DYNLT5: variants seen among roughly 807,000 people sequenced by gnomAD.
DYNLT5 encodes dynein light chain Tctex-type 5.
A neutral mutation model predicts 19.3 loss-of-function variants in DYNLT5; 25 were observed. That is an observed-to-expected ratio of 1.30 (90% CI 0.95 to 1.81). The LOEUF (loss-of-function observed/expected upper bound fraction) is 1.81, where lower values mean the gene tolerates loss of function less well. Among genes scored for constraint, DYNLT5 ranks in the 40% most tolerant of loss-of-function variants. The pLI is 0.00. For synonymous variants in DYNLT5, 82 were observed against 68.9 expected, an observed-to-expected ratio of 1.19 and a Z score of -0.94; for missense variants, 232 against 217.9, an observed-to-expected ratio of 1.06 and a Z score of -0.41.
At chr1:66,769,111 G>C (rs558235630) in intron 2 of DYNLT5, among the ~76,000 whole-genome samples, 1 of 152,248 alleles carries the variant, frequency 6.6e-6, no homozygotes, top group Admixed American at 6.5e-5. Flanking sequence ...ATCATCTTTG[G>C]TATTGCCCAC....
At chr1:66,776,065 T>G in intron 3 of DYNLT5, 2 of 461,784 alleles carry the variant, frequency 4.3e-6, no homozygotes, top group Non-Finnish European at 7.4e-6. Context: ...AACACACTTT[T>G]GAGATAGTCA....
intron 4 of DYNLT5, 109 bp downstream of exon 4, chr1:66,776,512 A>C: frequency 7.5e-7 from 1 of 1,340,894 alleles, no homozygotes; most frequent in Non-Finnish European, 1.0e-6. Context: ...TAACAGTTAA[A>C]ATGCGTATTT....
At chr1:66,774,421 C>T (rs1360668712) in intron 3 of DYNLT5, among the ~76,000 whole-genome samples, 2 of 146,748 alleles carry the variant, frequency 1.4e-5, no homozygotes, top group East Asian at 2.0e-4. Flanking sequence ...TAGATTCAAT[C>T]TCCACCCCCA....
At chr1:66,766,177 C>A (rs188529072) in intron 2 of DYNLT5, among the ~76,000 whole-genome samples, 19 of 152,196 alleles carry the variant, frequency 1.2e-4, no homozygotes, top group Admixed American at 4.6e-4. Context: ...TAAATGCCAG[C>A]AAGCTGGTAA....
intron 2 of DYNLT5, among the ~76,000 whole-genome samples, chr1:66,756,894 C>T (rs2094636937): frequency 6.6e-6 from 1 of 152,230 alleles, no homozygotes. Context: ...TACCCCGACT[C>T]CTTGCCTGCA....
intron 1 of DYNLT5, among the ~76,000 whole-genome samples, chr1:66,752,806 C>T (rs1483540518): frequency 6.6e-6 from 1 of 152,232 alleles, no homozygotes; most frequent in African/African-American, 2.4e-5. Context: ...GGCTGGGCTT[C>T]AAGAGTGATG....
At chr1:66,763,902 T>C (rs1157030084) in intron 2 of DYNLT5, among the ~76,000 whole-genome samples, 2 of 152,184 alleles carry the variant, frequency 1.3e-5, no homozygotes, top group Admixed American at 6.5e-5. Flanking sequence ...CAAGAACTTT[T>C]CAGGCAGGTG....
At chr1:66,757,076 C>G (rs1396197095) in intron 2 of DYNLT5, among the ~76,000 whole-genome samples, 1 of 152,224 alleles carries the variant, frequency 6.6e-6, no homozygotes, top group Non-Finnish European at 1.5e-5. Flanking sequence ...CTTCGATATG[C>G]ACTATATTTG....
chr1:66,766,574 C>T (rs886506105), intron 2 of DYNLT5, among the ~76,000 whole-genome samples: 5 of 152,154 alleles, frequency 3.3e-5, no homozygotes, highest in Non-Finnish European at 7.4e-5. Context: ...TTGCCAAGCT[C>T]ATATTCTGGT....
intron 3 of DYNLT5, among the ~76,000 whole-genome samples, chr1:66,774,155 C>T (rs1341407529): frequency 1.3e-5 from 2 of 152,106 alleles, no homozygotes; most frequent in African/African-American, 4.8e-5. Context: ...AACCTATGTG[C>T]ACTTTCTTCT....
chr1:66,752,793 G>T (rs1171617424), intron 1 of DYNLT5, among the ~76,000 whole-genome samples: 1 of 152,224 alleles, frequency 6.6e-6, no homozygotes, highest in African/African-American at 2.4e-5. Flanking sequence ...TTGCATGGCT[G>T]GGGGCTGGGC....
intron 2 of DYNLT5, among the ~76,000 whole-genome samples, chr1:66,765,705 G>A (rs890578244): frequency 2.7e-5 from 4 of 148,804 alleles, no homozygotes; most frequent in African/African-American, 1.0e-4. Flanking sequence ...GCGTGATCTC[G>A]GCTAACTGCA....
chr1:66,766,769 G>A (rs1452317192), intron 2 of DYNLT5, among the ~76,000 whole-genome samples: 1 of 151,810 alleles, frequency 6.6e-6, no homozygotes, highest in Non-Finnish European at 1.5e-5. Context: ...TATAATACAG[G>A]TTTTAAAAAG....
intron 2 of DYNLT5, among the ~76,000 whole-genome samples, chr1:66,762,780 A>T (rs2094648214): frequency 6.6e-6 from 1 of 152,254 alleles, no homozygotes; most frequent in Non-Finnish European, 1.5e-5. Flanking sequence ...TCAATAATAC[A>T]GTAGGGAAAT....
At position 66,770,545 on chromosome 1, in the gene DYNLT5, A is replaced by T. The variant is rs562432614; in HGVS notation, c.211+67A>T. 1.2e-3 allele frequency: 1,389 copies of T among 1,183,652 alleles called. 1 individual carries two copies. Among genetic ancestry groups the T allele is most frequent in the Non-Finnish European group, 1.6e-3 (1,244 of 790,810 alleles). 73.3% of individuals were successfully genotyped at this position (1,183,652 alleles called of 1,614,324 possible). On this transcript the variant is annotated intron_variant, in intron 3 of 4. Coordinates refer to ENST00000282670, the MANE Select transcript of DYNLT5 (RefSeq NM_152665.3). ...TTGGTGACTGATTCTCTTAAAAATG[A>T]TATTTGATAACCTGGCATTGTCTTC...
intron 3 of DYNLT5, among the ~76,000 whole-genome samples, chr1:66,771,295 G>A (rs1024237224): frequency 6.6e-6 from 1 of 152,200 alleles, no homozygotes; most frequent in Non-Finnish European, 1.5e-5. Flanking sequence ...CACAGTGCCT[G>A]TGGTGGACAG....
At chr1:66,764,098 G>A (rs921350716) in intron 2 of DYNLT5, among the ~76,000 whole-genome samples, 7 of 152,092 alleles carry the variant, frequency 4.6e-5, no homozygotes, top group African/African-American at 1.7e-4. Flanking sequence ...TGAGGTGGGA[G>A]GATCACCTGA....
chr1:66,763,007 A>G (rs1177177134), intron 2 of DYNLT5, among the ~76,000 whole-genome samples: 2 of 152,194 alleles, frequency 1.3e-5, no homozygotes, highest in African/African-American at 4.8e-5. Context: ...TGATACATCA[A>G]TTAAAAATAC....
chr1:66,755,260 G>A (rs1022974902), intron 2 of DYNLT5, among the ~76,000 whole-genome samples: 11 of 151,854 alleles, frequency 7.2e-5, no homozygotes. Flanking sequence ...CTAATTATTG[G>A]ACACTTTAAG....
Sources: allele counts gnomAD v4.1 joint callset (sites outside exome capture counted in the v4.1 genomes callset), GRCh38; gene constraint gnomAD v4.1.1; transcripts MANE v1.5; gene names NCBI Gene and HGNC (gene_info 2026-07-23, HGNC 2026-07-21).